TMEM117: variants seen among roughly 807,000 people sequenced by gnomAD.
TMEM117 encodes transmembrane protein 117.
Under a neutral mutation model 52.4 loss-of-function variants are expected in TMEM117, and 27 were observed. That is an observed-to-expected ratio of 0.51 (90% CI 0.38 to 0.71). TMEM117 has a LOEUF of 0.71. Ranked by LOEUF, TMEM117 falls within the 30% of genes least tolerant of loss-of-function variation. The probability of loss-of-function intolerance (pLI) is 0.00; values close to 1 mark genes in which losing one functional copy is unlikely to be tolerated. For missense variants in TMEM117, 556 were observed against 630.5 expected (o/e 0.88, Z 1.26); for synonymous variants, 215 against 206.3 (o/e 1.04, Z -0.36).
chr12:44,062,420 A>G (rs1158995412), intron 3 of TMEM117, among the ~76,000 whole-genome samples: 2 of 152,214 alleles, frequency 1.3e-5, no homozygotes, highest in African/African-American at 4.8e-5. Flanking sequence ...GTATCTAATT[A>G]AAGTATCTAT....
the TMEM117 span, chr12:43,804,474 AT>A: frequency 6.8e-7 from 1 of 1,470,336 alleles, no homozygotes; most frequent in African/African-American, 1.4e-5. Flanking sequence ...AACAGAAAAT[AT>A]TTTAAAATAT....
chr12:44,100,077 A>G (rs1363863958), intron 3 of TMEM117, among the ~76,000 whole-genome samples: 1 of 152,022 alleles, frequency 6.6e-6, no homozygotes, highest in Non-Finnish European at 1.5e-5. Context: ...GACTCCAAAA[A>G]TAATGACAAA....
intron 4 of TMEM117, among the ~76,000 whole-genome samples, chr12:44,206,200 G>A (rs1002097855): frequency 1.5e-4 from 23 of 152,184 alleles, no homozygotes; most frequent in African/African-American, 5.5e-4. Context: ...GAAACAAAGG[G>A]ACAGGCTCTG....
upstream of TMEM117, chr12:43,836,017 C>A (rs1168472217): frequency 6.6e-6 from 1 of 151,250 alleles, no homozygotes; most frequent in Non-Finnish European, 1.5e-5. Flanking sequence ...GGAGGGCGCC[C>A]GGCGTAGGCG....
intron 6 of TMEM117, among the ~76,000 whole-genome samples, chr12:44,309,038 A>G (rs74486492): frequency 0.013 from 1,966 of 152,342 alleles, 28 homozygotes; most frequent in South Asian, 0.025. Context: ...TTTGTAGGCA[A>G]TGGAATCATG....
intron 7 of TMEM117, among the ~76,000 whole-genome samples, chr12:44,384,064 C>T (rs960387807): frequency 6.6e-6 from 1 of 152,066 alleles, no homozygotes; most frequent in Non-Finnish European, 1.5e-5. Flanking sequence ...GTTGGGTTGC[C>T]CTGCCTGACT....
chr12:43,806,473 C>G, the TMEM117 span: 1 of 896,966 alleles, frequency 1.1e-6, no homozygotes. Flanking sequence ...TCCTAGTTCT[C>G]TGCTTGGGGT....
intron 2 of TMEM117, among the ~76,000 whole-genome samples, chr12:43,913,066 G>A (rs1392816659): frequency 6.6e-6 from 1 of 152,140 alleles, no homozygotes; most frequent in Non-Finnish European, 1.5e-5. Context: ...AACTTCATTA[G>A]GGCTACCAAT....
chr12:43,961,909 T>A (rs1043955152), intron 3 of TMEM117, among the ~76,000 whole-genome samples: 4 of 152,234 alleles, frequency 2.6e-5, no homozygotes, highest in African/African-American at 9.6e-5. Context: ...ATAGTCTGAT[T>A]TAATAAATTA....
intron 3 of TMEM117, among the ~76,000 whole-genome samples, chr12:44,101,356 G>A (rs1406349583): frequency 2.0e-5 from 3 of 151,810 alleles, no homozygotes; most frequent in Admixed American, 6.6e-5. Flanking sequence ...TCACTCTCCC[G>A]ATCTGCTTTC....
rs189718952 is a variant in TMEM117, at chr12:44,017,963, A to G, written c.410+73621A>G. 2.8e-4 allele frequency among the ~76,000 whole-genome samples: 42 copies of G among 152,270 alleles called. 1 individual carries two copies. Among genetic ancestry groups the G allele is most frequent in the African/African-American group, 9.4e-4 (39 of 41,558 alleles). On this transcript the variant is annotated intron_variant, in intron 3 of 7. Transcript: ENST00000266534. Reference sequence around the variant, plus strand: ...GACAAGTCTAAGTACTTCTGTCTACATAAGTCACATACTAATTAGTAATTA... The same window carrying G: ...GACAAGTCTAAGTACTTCTGTCTACGTAAGTCACATACTAATTAGTAATTA...
intron 3 of TMEM117, among the ~76,000 whole-genome samples, chr12:44,057,933 C>T (rs575056471): frequency 2.0e-4 from 30 of 152,266 alleles, no homozygotes; most frequent in African/African-American, 6.7e-4. Flanking sequence ...ACCTAATACC[C>T]GTACAGGCTT....
intron 3 of TMEM117, among the ~76,000 whole-genome samples, chr12:44,103,878 T>G (rs375925000): frequency 1.3e-5 from 2 of 152,060 alleles, no homozygotes; most frequent in Non-Finnish European, 2.9e-5. Flanking sequence ...TTAAAACATA[T>G]AGATAATTGA....
At chr12:44,022,136 C>A (rs1946465172) in intron 3 of TMEM117, among the ~76,000 whole-genome samples, 1 of 152,096 alleles carries the variant, frequency 6.6e-6, no homozygotes, top group South Asian at 2.1e-4. Context: ...ACATTAAAGA[C>A]AACATTATTT....
chr12:43,822,537 T>C, the TMEM117 span, among the ~76,000 whole-genome samples: 7 of 151,856 alleles, frequency 4.6e-5, no homozygotes, highest in African/African-American at 1.7e-4. Flanking sequence ...TCCTTTCATA[T>C]GCCTAGGTGA....
intron 3 of TMEM117, among the ~76,000 whole-genome samples, chr12:43,959,379 T>C (rs1004982253): frequency 2.0e-5 from 3 of 152,238 alleles, no homozygotes; most frequent in Non-Finnish European, 2.9e-5. Flanking sequence ...AGTTGTAGGC[T>C]TCAGCACATA....
intron 3 of TMEM117, among the ~76,000 whole-genome samples, chr12:43,986,494 T>C (rs1322918039): frequency 6.6e-6 from 1 of 152,198 alleles, no homozygotes; most frequent in Non-Finnish European, 1.5e-5. Flanking sequence ...ATTTTTTTCC[T>C]TCCATTACTG....
At position 44,062,961 on chromosome 12, in the gene TMEM117, T is replaced by C. The variant is rs1014144496; in HGVS notation, c.411-80564T>C. 7.2e-5 allele frequency among the ~76,000 whole-genome samples: 11 copies of C among 152,332 alleles called. No homozygotes were observed. In the East Asian group the frequency reaches 1.5e-3, roughly 21 times the overall value. The stretch of plus-strand genomic sequence containing the variant: ...TTAAGATGTAAACCTAAAAATGTAA[T>C]GTTAAAAGTTTGTTTTTGAAGAGCA... On this transcript the variant is annotated intron_variant, in intron 3 of 7. Coordinates refer to ENST00000266534, the MANE Select transcript of TMEM117 (RefSeq NM_032256.3).
intron 3 of TMEM117, among the ~76,000 whole-genome samples, chr12:44,074,604 G>A (rs990986814): frequency 2.0e-5 from 3 of 152,184 alleles, no homozygotes; most frequent in Non-Finnish European, 4.4e-5. Flanking sequence ...TTGCTAGTAA[G>A]TAATAGAGAT....
Sources: allele counts gnomAD v4.1 joint callset (sites outside exome capture counted in the v4.1 genomes callset), GRCh38; gene constraint gnomAD v4.1.1; transcripts MANE v1.5; gene names NCBI Gene and HGNC (gene_info 2026-07-23, HGNC 2026-07-21).